SEC14L5: variants seen among roughly 807,000 people sequenced by gnomAD.
SEC14L5 encodes SEC14-like protein 5.
In SEC14L5, 96 loss-of-function variants were observed where a neutral mutation model predicts 84.6. The ratio of observed to expected loss-of-function variants is 1.13; its 90% confidence interval spans 0.96 to 1.34. SEC14L5 has a LOEUF of 1.34. Among genes scored for constraint, SEC14L5 ranks in the 40% most tolerant of loss-of-function variants. SEC14L5 has a pLI of 0.00. For missense variants in SEC14L5, 1,224 were observed against 942.5 expected, an observed-to-expected ratio of 1.30 and a Z score of -3.91; for synonymous variants, 546 against 383.4, an observed-to-expected ratio of 1.42 and a Z score of -4.95.
intron 14 of SEC14L5, among the ~76,000 whole-genome samples, chr16:5,010,555 C>T (rs1182595619): frequency 2.0e-5 from 3 of 152,178 alleles, no homozygotes; most frequent in Admixed American, 1.3e-4. Context: ...CTGTCGATCT[C>T]ACCGAAGTTC....
At position 5,016,198 on chromosome 16, in the gene SEC14L5, G is replaced by T. The variant is rs917858389; in HGVS notation, c.*1228G>T. 6.6e-6 allele frequency: 1 copy of T among 152,132 alleles called. No homozygotes were observed. The highest frequency in any genetic ancestry group is 6.5e-5 in the Admixed American group (1 of 15,276). The allele number at this position is 152,132 out of a possible 1,614,324, so 9.4% of individuals were successfully genotyped here. Reference sequence around the variant, plus strand: ...GGGGCAGATATGACTCTGGAACTAGGTTCAATATTGACATGAGTTCCCCTA... The same window carrying T: ...GGGGCAGATATGACTCTGGAACTAGTTTCAATATTGACATGAGTTCCCCTA... On this transcript the variant is annotated 3_prime_UTR_variant, in exon 16 of 16. Coordinates refer to ENST00000251170, the MANE Select transcript of SEC14L5 (RefSeq NM_014692.2).
intron 2 of SEC14L5, among the ~76,000 whole-genome samples, chr16:4,981,502 G>A (rs1320305767): frequency 6.6e-6 from 1 of 152,074 alleles, no homozygotes; most frequent in African/African-American, 2.4e-5. Flanking sequence ...AAGGGGAGAA[G>A]GTCAGGGGTG....
At chr16:4,960,129 G>T (rs1469685033) in intron 2 of SEC14L5, among the ~76,000 whole-genome samples, 1 of 152,168 alleles carries the variant, frequency 6.6e-6, no homozygotes. Flanking sequence ...TCACCCTGGG[G>T]GCAGAAGCTG....
intron 6 of SEC14L5, among the ~76,000 whole-genome samples, chr16:4,992,555 A>T (rs1955563877): frequency 6.6e-6 from 1 of 152,084 alleles, no homozygotes; most frequent in Non-Finnish European, 1.5e-5. Context: ...CCCGGCAAAA[A>T]CTCATTTATT....
At chr16:4,971,236 T>A (rs1955275424) in intron 2 of SEC14L5, among the ~76,000 whole-genome samples, 1 of 152,120 alleles carries the variant, frequency 6.6e-6, no homozygotes, top group Non-Finnish European at 1.5e-5. Context: ...GCAAGAGGAT[T>A]GTTTGAGCCT....
At chr16:4,960,157 A>C (rs1325000780) in intron 2 of SEC14L5, among the ~76,000 whole-genome samples, 1 of 152,130 alleles carries the variant, frequency 6.6e-6, no homozygotes, top group Non-Finnish European at 1.5e-5. Context: ...GTGGATGTGG[A>C]ATTCCTTCTT....
In SEC14L5 at chr16:4,996,434, TG is replaced by T; in HGVS notation, c.756del (p.Trp252CysfsTer38). On this transcript the variant is annotated frameshift_variant, in exon 7 of 16. Coordinates refer to ENST00000251170, the MANE Select transcript of SEC14L5 (RefSeq NM_014692.2). LOFTEE classifies it high-confidence loss of function. ...QESCLIQLRH[W>X]LQETHKGKIP... ...GAGCTGCCTGATCCAGCTTCGGCAC[TG>T]GTTACAGGAGACCCACAAAGGCAAG... The T allele has an allele frequency of 6.4e-7, 1 of 1,570,910 alleles. No individual in the cohort carries two copies. The highest frequency in any genetic ancestry group is 8.6e-7 in the Non-Finnish European group (1 of 1,158,722).
At chr16:4,970,426 A>C (rs1321594756) in intron 2 of SEC14L5, among the ~76,000 whole-genome samples, 2 of 152,196 alleles carry the variant, frequency 1.3e-5, no homozygotes, top group Admixed American at 1.3e-4. Context: ...CAAGTTAGAA[A>C]GTGGCTGGCA....
chr16:4,975,797 T>G (rs1344480417), intron 2 of SEC14L5, among the ~76,000 whole-genome samples: 1 of 152,084 alleles, frequency 6.6e-6, no homozygotes, highest in Admixed American at 6.6e-5. Context: ...ATAGGGAGAC[T>G]CCTGAAGAGT....
At chr16:4,986,671 A>G (rs1304032127) in intron 2 of SEC14L5, among the ~76,000 whole-genome samples, 3 of 152,172 alleles carry the variant, frequency 2.0e-5, no homozygotes, top group African/African-American at 7.2e-5. Context: ...TGAATATGGG[A>G]TGCCTTTCCA....
rs1270301295 is a variant in SEC14L5, at chr16:5,016,138, T to C, written c.*1168T>C. On this transcript the variant is annotated 3_prime_UTR_variant, in exon 16 of 16. Transcript: ENST00000251170. ...CCAGGGTCTCAACATGGAGTCTCGA[T>C]TCCCCCCGCGAGTGGAGGCTGCTGT... is the stretch of plus-strand genomic sequence containing the variant. 1 of 152,194 alleles carries C rather than the reference T, an allele frequency of 6.6e-6. No homozygotes were observed. Among genetic ancestry groups the C allele is most frequent in the South Asian group, 2.1e-4 (1 of 4,828 alleles). 9.4% of individuals were successfully genotyped at this position (152,194 alleles called of 1,614,324 possible). A position where few individuals can be genotyped will look rare whatever the true frequency, so the allele number is the denominator to read the frequency against.
intron 12 of SEC14L5, 111 bp downstream of exon 12, chr16:5,006,159 C>G (rs1361334710): frequency 9.3e-7 from 1 of 1,077,636 alleles, no homozygotes; most frequent in African/African-American, 1.6e-5. Context: ...CTGGGTGCGG[C>G]ATGTGCACTC....
At chr16:4,994,430 G>A (rs969293855) in intron 6 of SEC14L5, among the ~76,000 whole-genome samples, 4 of 151,812 alleles carry the variant, frequency 2.6e-5, no homozygotes, top group Non-Finnish European at 2.9e-5. Flanking sequence ...TGCAACCTCC[G>A]CCTCCTGGGT....
chr16:5,008,684 G>C, intron 14 of SEC14L5, 36 bp downstream of exon 14: 1 of 1,559,972 alleles, frequency 6.4e-7, no homozygotes, highest in Non-Finnish European at 8.8e-7. Context: ...CGCTCACCAA[G>C]CAGCACTGAG....
chr16:4,964,950 C>T (rs548248929), intron 2 of SEC14L5, among the ~76,000 whole-genome samples: 2 of 152,004 alleles, frequency 1.3e-5, no homozygotes, highest in African/African-American at 2.4e-5. Flanking sequence ...AGGCTGGTCT[C>T]GAACTCCTGG....
chr16:4,992,280 C>T (rs1955561496), intron 6 of SEC14L5, among the ~76,000 whole-genome samples: 2 of 152,036 alleles, frequency 1.3e-5, no homozygotes, highest in South Asian at 4.1e-4. Context: ...AGACGGAGTC[C>T]CCCTATGTCT....
rs113968533 is a variant in SEC14L5, at chr16:5,012,401, C to G, written c.1979+1128C>G. 2.5e-3 allele frequency among the ~76,000 whole-genome samples: 383 copies of G among 152,272 alleles called. 4 individuals carry two copies. The East Asian group carries it at 0.036, about 14-fold the overall frequency. ...CCATGAGAGGACCTTACTGCCCTGT[C>G]CTCTTGTAGCCTCATGAGAAAATCA... On this transcript the variant is annotated intron_variant, in intron 15 of 15. Coordinates refer to ENST00000251170, the MANE Select transcript of SEC14L5 (RefSeq NM_014692.2).
intron 7 of SEC14L5, 117 bp from the exon 8 acceptor site, chr16:4,996,738 A>G: frequency 1.2e-6 from 1 of 802,826 alleles, no homozygotes. Flanking sequence ...CGCCTGGCTA[A>G]TTTCTGTACT....
At chr16:4,975,340 G>T (rs1024551709) in intron 2 of SEC14L5, among the ~76,000 whole-genome samples, 2 of 151,844 alleles carry the variant, frequency 1.3e-5, no homozygotes, top group Non-Finnish European at 2.9e-5. Flanking sequence ...GGGCATGGTG[G>T]TGGGCGCCTG....
Sources: allele counts gnomAD v4.1 joint callset (sites outside exome capture counted in the v4.1 genomes callset), GRCh38; gene constraint gnomAD v4.1.1; transcripts MANE v1.5; gene names NCBI Gene and HGNC (gene_info 2026-07-23, HGNC 2026-07-21).